Variants in CEP128 observed in about 807,000 individuals in gnomAD.
CEP128 encodes the protein centrosomal protein 128.
In CEP128, 132 loss-of-function variants were observed where a neutral mutation model predicts 156.7. The observed-to-expected ratio is 0.84, with a 90% confidence interval of 0.73 to 0.97. The LOEUF (loss-of-function observed/expected upper bound fraction) is 0.97, where lower values mean the gene tolerates loss of function less well. Ranked by LOEUF, CEP128 falls within the 50% of genes least tolerant of loss-of-function variation. The pLI is 0.00. For synonymous variants in CEP128, 469 were observed against 448.9 expected (o/e 1.04, Z -0.57); for missense variants, 1,252 against 1,281.9 (o/e 0.98, Z 0.36).
At chr14:80,930,993 A>T (rs542410447) in intron 2 of CEP128, among the ~76,000 whole-genome samples, 2 of 152,236 alleles carry the variant, frequency 1.3e-5, no homozygotes, top group Non-Finnish European at 2.9e-5. Context: ...AACAGAGGAT[A>T]GTGAGGTACA....
intron 1 of CEP128, among the ~76,000 whole-genome samples, chr14:80,941,143 C>G (rs1044733722): frequency 5.5e-4 from 84 of 152,154 alleles, no homozygotes; most frequent in African/African-American, 2.0e-3. Context: ...AAAGCGTTCC[C>G]GAGAGTAGCA....
chr14:80,543,107 G>A (rs758669827), intron 21 of CEP128, among the ~76,000 whole-genome samples: 12 of 152,200 alleles, frequency 7.9e-5, no homozygotes, highest in Admixed American at 7.9e-4. Context: ...ACAGAAATCC[G>A]GCAAGGTATT....
chr14:80,737,003 T>C (rs1401017656), intron 19 of CEP128, among the ~76,000 whole-genome samples: 4 of 152,216 alleles, frequency 2.6e-5, no homozygotes, highest in African/African-American at 9.6e-5. Context: ...TAATGAAACA[T>C]CTATAAGCAA....
At chr14:80,637,946 G>A (rs578199341) in intron 19 of CEP128, among the ~76,000 whole-genome samples, 1 of 152,336 alleles carries the variant, frequency 6.6e-6, no homozygotes, top group Non-Finnish European at 1.5e-5. Flanking sequence ...TTCTCCCTTA[G>A]GGTTTTCAGA....
At chr14:80,839,292 G>C (rs1426299140) in intron 10 of CEP128, among the ~76,000 whole-genome samples, 1 of 152,210 alleles carries the variant, frequency 6.6e-6, no homozygotes, top group African/African-American at 2.4e-5. Context: ...TAAGATGCTT[G>C]TAAGTGCTTA....
intron 19 of CEP128, among the ~76,000 whole-genome samples, chr14:80,589,347 A>C (rs1370982249): frequency 1.3e-5 from 2 of 151,654 alleles, no homozygotes; most frequent in African/African-American, 4.9e-5. Context: ...AACTTTCATT[A>C]AGTAATAAAT....
chr14:80,695,702 A>C (rs1468750778), intron 19 of CEP128, among the ~76,000 whole-genome samples: 1 of 148,222 alleles, frequency 6.7e-6, no homozygotes, highest in Admixed American at 6.7e-5. Flanking sequence ...GGGCAACAAG[A>C]GACTCCATCT....
intron 13 of CEP128, chr14:80,822,842 A>C (rs1160102559): frequency 1.4e-6 from 1 of 695,484 alleles, no homozygotes; most frequent in Admixed American, 2.0e-5. Flanking sequence ...TTGACTGCAC[A>C]GTTTGAAATA....
chr14:80,644,464 G>C (rs1017466192), intron 19 of CEP128, among the ~76,000 whole-genome samples: 28 of 152,140 alleles, frequency 1.8e-4, no homozygotes, highest in African/African-American at 2.4e-5. Flanking sequence ...ACACTATCAG[G>C]AGAAATATAT....
At position 80,920,471 on chromosome 14, in the gene CEP128, C is replaced by T. The variant is rs1027637837; in HGVS notation, c.-15-3909G>A. The stretch of plus-strand genomic sequence containing the variant: ...CAAAGCAATATGCGTCAATTATATA[C>T]TCTTCTTTTGTCATTAACAATGTAT... On this transcript the variant is annotated intron_variant, in intron 2 of 24. Transcript: ENST00000555265. Among the ~76,000 whole-genome samples, 8 of 152,294 alleles carry T rather than the reference C, an allele frequency of 5.3e-5. No individual in the cohort carries two copies. In the South Asian group the frequency reaches 1.2e-3, roughly 24 times the overall value.
chr14:80,857,212 TG>T (rs1887225564), intron 9 of CEP128, among the ~76,000 whole-genome samples: 1 of 115,618 alleles, frequency 8.6e-6, no homozygotes, highest in Non-Finnish European at 1.9e-5. Context: ...AAAGTGGTTT[TG>T]GCTTTTTTTT....
At chr14:80,832,738 A>G (rs1009594507) in intron 12 of CEP128, among the ~76,000 whole-genome samples, 47 of 152,204 alleles carry the variant, frequency 3.1e-4, no homozygotes, top group African/African-American at 1.1e-3. Flanking sequence ...ATACAGGTAC[A>G]AAACTGAATT....
intron 2 of CEP128, among the ~76,000 whole-genome samples, chr14:80,934,012 A>G (rs1465098470): frequency 2.6e-5 from 4 of 152,334 alleles, no homozygotes; most frequent in Middle Eastern, 3.4e-3. Context: ...CAGACTTCAG[A>G]CAAGCCCGAC....
At chr14:80,701,780 C>T (rs1595246348) in intron 19 of CEP128, among the ~76,000 whole-genome samples, 1 of 152,168 alleles carries the variant, frequency 6.6e-6, no homozygotes. Flanking sequence ...TGACCCTTTT[C>T]TTTCTCTCAA....
At chr14:80,879,836 C>CG (rs1322220088) in intron 8 of CEP128, among the ~76,000 whole-genome samples, 1 of 106,314 alleles carries the variant, frequency 9.4e-6, no homozygotes, top group African/African-American at 3.9e-5. Flanking sequence ...CTCAAATGTT[C>CG]CCAGATTCAA....
intron 9 of CEP128, among the ~76,000 whole-genome samples, chr14:80,855,825 C>T (rs1887124972): frequency 6.6e-6 from 1 of 152,104 alleles, no homozygotes; most frequent in Non-Finnish European, 1.5e-5. Flanking sequence ...TCACAGAAGC[C>T]TCAAGGGAGA....
intron 12 of CEP128, among the ~76,000 whole-genome samples, chr14:80,832,630 A>G (rs1885867889): frequency 6.6e-6 from 1 of 152,218 alleles, no homozygotes; most frequent in Non-Finnish European, 1.5e-5. Context: ...AGTAGGAAGA[A>G]CTGAGAACTA....
chr14:80,546,599 C>T (rs1007333783), intron 21 of CEP128, among the ~76,000 whole-genome samples: 3 of 152,192 alleles, frequency 2.0e-5, no homozygotes, highest in African/African-American at 7.2e-5. Flanking sequence ...AATCCACATA[C>T]TTTAAGTCAG....
chr14:80,822,042 C>T (rs1270654822), intron 13 of CEP128, among the ~76,000 whole-genome samples: 1 of 152,078 alleles, frequency 6.6e-6, no homozygotes, highest in Admixed American at 6.6e-5. Flanking sequence ...GACCTGCCCC[C>T]GTGATTCAAA....
Sources: allele counts gnomAD v4.1 joint callset (sites outside exome capture counted in the v4.1 genomes callset), GRCh38; gene constraint gnomAD v4.1.1; transcripts MANE v1.5; gene names NCBI Gene and HGNC (gene_info 2026-07-23, HGNC 2026-07-21).